The following N4BP2L2 variants were observed in gnomAD, a reference collection of about 807,000 sequenced individuals.
N4BP2L2 encodes NEDD4 binding protein 2 like 2, also known as NEDD4-binding protein 2-like 2.
In N4BP2L2, 50 loss-of-function variants were observed where a neutral mutation model predicts 56.2. The observed-to-expected ratio is 0.89, with a 90% CI of 0.71 to 1.13. The LOEUF (loss-of-function observed/expected upper bound fraction) is 1.13. Among genes scored for constraint, N4BP2L2 ranks in the 50% most tolerant of loss-of-function variants. The pLI is 0.00. For missense variants in N4BP2L2, 689 were observed against 693.8 expected, an observed-to-expected ratio of 0.99 and a Z score of 0.08; for synonymous variants, 203 against 223.6, an observed-to-expected ratio of 0.91 and a Z score of 0.82.
downstream of N4BP2L2, chr13:32,507,133 G>C (rs1180439747): frequency 2.0e-5 from 3 of 152,032 alleles, no homozygotes; most frequent in African/African-American, 7.2e-5. Context: ...AATATGAGGG[G>C]GAAAGAAGGC....
chr13:32,442,233 A>G lies in N4BP2L2; in HGVS notation c.2104+155T>C, dbSNP rs542261425. Among the ~76,000 whole-genome samples, 3 of 152,338 alleles carry G rather than the reference A, an allele frequency of 2.0e-5. No individual in the cohort carries two copies. In the South Asian group the frequency reaches 6.2e-4, roughly 32 times the overall value. ...GCAAAGGGTGGGGACTTTGAAGATCAAGCACCGTTTGCTATGGATCCTCAC... is the reference window on the plus strand; with the variant it reads ...GCAAAGGGTGGGGACTTTGAAGATCGAGCACCGTTTGCTATGGATCCTCAC... On this transcript the variant is annotated intron_variant, in intron 7 of 9. Coordinates refer to the N4BP2L2 transcript ENST00000357505.
At chr13:32,488,081 T>C (rs1357650224) in intron 6 of N4BP2L2, among the ~76,000 whole-genome samples, 2 of 152,140 alleles carry the variant, frequency 1.3e-5, no homozygotes, top group African/African-American at 2.4e-5. Flanking sequence ...GAGGCCTAGT[T>C]TGCATAATTA....
In N4BP2L2 at chr13:32,518,055, A is replaced by G. The variant is rs766092415; in HGVS notation, c.1551-52T>C. The stretch of plus-strand genomic sequence containing the variant: ...TCTTTGTTGCAGAATGTACAGGCTT[A>G]GAGATTAACTGTTTTAGAGAAAAAG... On this transcript the variant is annotated intron_variant, in intron 5 of 5. Transcript: ENST00000267068. 30 of 1,524,610 alleles carry G rather than the reference A, an allele frequency of 2.0e-5. No individual in the cohort carries two copies. The South Asian group carries it at 3.5e-4, about 18-fold the overall frequency. The allele number at this position is 1,524,610 out of a possible 1,614,324, so 94.4% of individuals were successfully genotyped here.
chr13:32,537,535 C>T (rs574386901), intron 1 of N4BP2L2, among the ~76,000 whole-genome samples: 14 of 152,140 alleles, frequency 9.2e-5, no homozygotes, highest in Non-Finnish European at 1.6e-4. Flanking sequence ...AAACCTCAGA[C>T]AACCAATCTC....
At chr13:32,474,194 T>C (rs1485098621) in intron 6 of N4BP2L2, among the ~76,000 whole-genome samples, 1 of 152,156 alleles carries the variant, frequency 6.6e-6, no homozygotes, top group Non-Finnish European at 1.5e-5. Context: ...TAGATATTCA[T>C]ATATACATAT....
chr13:32,527,079 T>C, intron 3 of N4BP2L2: 1 of 183,310 alleles, frequency 5.5e-6, no homozygotes, highest in Non-Finnish European at 1.1e-5. Context: ...ATGGTACAGA[T>C]TCAAAGTTCT....
chr13:32,525,527 T>C (rs1247146705), intron 3 of N4BP2L2: 1 of 152,164 alleles, frequency 6.6e-6, no homozygotes, highest in Non-Finnish European at 1.5e-5. Flanking sequence ...TACACGTATG[T>C]AGTCCCAGCT....
At chr13:32,523,958 G>A (rs969284731) in intron 3 of N4BP2L2, 1 of 152,092 alleles carries the variant, frequency 6.6e-6, no homozygotes, top group East Asian at 1.9e-4. Context: ...ATTACACTAT[G>A]GGGAAAAGAA....
At chr13:32,442,439 C>T (rs1388276430) in exon 7 of N4BP2L2, 1 of 1,611,110 alleles carries the variant, frequency 6.2e-7, no homozygotes, top group South Asian at 1.1e-5. Context: ...AAGGCAAACC[C>T]TTGTGATAAT....
rs78756005 is a variant in N4BP2L2 at position 32,534,460 on chromosome 13, T to C, written c.1259+1309A>G. On this transcript the variant is annotated intron_variant, in intron 2 of 5. Transcript: ENST00000267068. Reference sequence around the variant, plus strand: ...TTCCAAATTTCAGTTATTTATTGTCTCTGATGGTATATCCCAAATCTAGAA... The same window carrying C: ...TTCCAAATTTCAGTTATTTATTGTCCCTGATGGTATATCCCAAATCTAGAA... Among the ~76,000 whole-genome samples the C allele has an allele frequency of 1.4e-4, 22 of 152,296 alleles. No homozygotes were observed. In the East Asian group the frequency reaches 2.7e-3, roughly 19 times the overall value.
chr13:32,443,787 C>A (rs758257794), exon 7 of N4BP2L2: 7 of 1,580,036 alleles, frequency 4.4e-6, no homozygotes, highest in Middle Eastern at 1.7e-4. Context: ...AGAGGTAATT[C>A]TTTGGTGTGT....
Position 32,442,509 on chromosome 13 carries a change from T to C in N4BP2L2, c.1983A>G (p.Glu661=), listed in dbSNP as rs1246078579. ...AGTCTTGGCTGTCCTCAGCTGGTAA[T>C]TCCTTAGGTTCTTCCCATCTTTTCA... Residue 661 remains glutamate (E), a synonymous_variant, in exon 7 of 10, where the codon GAA becomes GAG. Coordinates refer to the N4BP2L2 transcript ENST00000357505. The C allele has an allele frequency of 3.1e-6, 5 of 1,613,724 alleles. No homozygotes were observed. The African/African-American group carries it at 5.3e-5, about 17-fold the overall frequency.
At chr13:32,523,138 C>T (rs1486527279) in intron 3 of N4BP2L2, 1 of 152,196 alleles carries the variant, frequency 6.6e-6, no homozygotes, top group African/African-American at 2.4e-5. Context: ...CACCTATAAT[C>T]CCAGCACTTT....
chr13:32,464,991 G>T (rs548664099), intron 6 of N4BP2L2, among the ~76,000 whole-genome samples: 2 of 151,874 alleles, frequency 1.3e-5, no homozygotes, highest in African/African-American at 4.8e-5. Flanking sequence ...TCTTTAGACA[G>T]AGTTTTGTTT....
intron 6 of N4BP2L2, among the ~76,000 whole-genome samples, chr13:32,448,780 T>A (rs975125550): frequency 6.6e-6 from 1 of 152,228 alleles, no homozygotes; most frequent in African/African-American, 2.4e-5. Flanking sequence ...TACTAATTTA[T>A]GATAACGGGC....
intron 6 of N4BP2L2, among the ~76,000 whole-genome samples, chr13:32,448,984 T>G (rs1186569730): frequency 6.6e-6 from 1 of 152,130 alleles, no homozygotes; most frequent in Non-Finnish European, 1.5e-5. Context: ...CTTTCCAAAA[T>G]GAGGAAAATA....
exon 6 of N4BP2L2, chr13:32,517,124 G>C (rs1466570290): frequency 1.1e-5 from 11 of 984,488 alleles, no homozygotes; most frequent in Non-Finnish European, 1.2e-5. Flanking sequence ...ATCCCTTCAA[G>C]AACTGGCAAG....
In N4BP2L2 at chr13:32,502,032, A is replaced by G. The variant is rs116816602; in HGVS notation, c.365+15825T>C. On this transcript the variant is annotated intron_variant, in intron 6 of 9. Coordinates refer to the N4BP2L2 transcript ENST00000357505. ...GATAAATTCGATAATGAAAAAAATC[A>G]AACTTTATCCTTCTAGACCTACTAC... Among the ~76,000 whole-genome samples, 1,067 of 151,828 alleles carry G rather than the reference A, an allele frequency of 7.0e-3. 12 individuals carry two copies. Among genetic ancestry groups the G allele is most frequent in the African/African-American group, 0.025 (1,030 of 41,330 alleles).
chr13:32,443,574 C>T (rs774766952), exon 7 of N4BP2L2: 2 of 1,611,310 alleles, frequency 1.2e-6, no homozygotes, highest in African/African-American at 2.7e-5. Context: ...CTCTCTTCTT[C>T]ATAAATAAGC....
Sources: gnomAD v4.1 joint callset for allele counts (sites outside exome capture counted in the v4.1 genomes callset) on GRCh38, gnomAD v4.1.1 for gene constraint, MANE v1.5 for transcripts, NCBI Gene and HGNC (gene_info 2026-07-23, HGNC 2026-07-21) for gene names.